Variants in PRKCE observed in about 807,000 individuals in gnomAD.
The protein encoded by PRKCE is protein kinase C epsilon.
PRKCE carries 16 observed loss-of-function variants against 85.4 expected under a neutral mutation model. The observed-to-expected ratio is 0.19, with a 90% CI of 0.13 to 0.28. The LOEUF is 0.28. Ranked by LOEUF, PRKCE falls within the 10% of genes least tolerant of loss-of-function variation. The pLI is 1.00. For synonymous variants in PRKCE, 388 were observed against 371.5 expected, an observed-to-expected ratio of 1.04 and a Z score of -0.51; for missense variants, 573 against 975.2, an observed-to-expected ratio of 0.59 and a Z score of 5.49.
chr2:45,772,131 GCCAGAATTAGCAC>G (rs924793461), intron 1 of PRKCE, among the ~76,000 whole-genome samples: 14 of 96,622 alleles, frequency 1.4e-4, no homozygotes, highest in African/African-American at 3.5e-4. Context: ...TCCGAGTGCA[GCCAGAATTAGCAC>G]CCAGACATGC....
At chr2:45,770,582 G>A (rs1410663589) in intron 1 of PRKCE, among the ~76,000 whole-genome samples, 4 of 152,200 alleles carry the variant, frequency 2.6e-5, no homozygotes, top group Middle Eastern at 3.4e-3. Flanking sequence ...CCATGGTACC[G>A]CCCCCCACAA....
chr2:45,952,722 G>A (rs1315043279), intron 2 of PRKCE, among the ~76,000 whole-genome samples: 1 of 152,136 alleles, frequency 6.6e-6, no homozygotes, highest in African/African-American at 2.4e-5. Flanking sequence ...TTTAAAATTG[G>A]TTTTGATTGA....
chr2:45,971,805 T>A (rs758411549), intron 2 of PRKCE, among the ~76,000 whole-genome samples: 4 of 152,200 alleles, frequency 2.6e-5, no homozygotes, highest in Non-Finnish European at 2.9e-5. Context: ...CCGCCTTGTG[T>A]TTTCTTTTGT....
intron 11 of PRKCE, among the ~76,000 whole-genome samples, chr2:46,135,884 G>C (rs1239033001): frequency 1.3e-5 from 2 of 149,848 alleles, no homozygotes; most frequent in Non-Finnish European, 3.0e-5. Flanking sequence ...AGAATGTCAG[G>C]AAGAGGGTGC....
chr2:45,933,464 C>CTTTTTTTTTT lies in PRKCE; in HGVS notation c.413-42947_413-42938dup, dbSNP rs59991455. Among the ~76,000 whole-genome samples, 15 of 65,364 alleles carry CTTTTTTTTTT rather than the reference C, an allele frequency of 2.3e-4. 2 individuals are homozygous for CTTTTTTTTTT. The highest frequency in any genetic ancestry group is 8.6e-4 in the African/African-American group (14 of 16,238). 42.9% of individuals were successfully genotyped at this position (65,364 alleles called of 152,430 possible). On this transcript the variant is annotated intron_variant, in intron 2 of 14. Coordinates refer to ENST00000306156, the MANE Select transcript of PRKCE (RefSeq NM_005400.3). Reference sequence around the variant, plus strand: ...TTTTACCTTTCACCTCATATGCCTGCTTTTTTTTTTTTTTTTTTTTTTTTT... The same window carrying CTTTTTTTTTT: ...TTTTACCTTTCACCTCATATGCCTGCTTTTTTTTTTTTTTTTTTTTTTTTTTTTTTTTTTT...
chr2:45,892,370 A>AT (rs1695787726), intron 2 of PRKCE, among the ~76,000 whole-genome samples: 4 of 314 alleles, frequency 0.013, no homozygotes, highest in Non-Finnish European at 0.025. Context: ...TGCTGGATGA[A>AT]CGGGGCTCAC....
At chr2:45,972,664 T>C (rs1702184658) in intron 2 of PRKCE, among the ~76,000 whole-genome samples, 1 of 152,244 alleles carries the variant, frequency 6.6e-6, no homozygotes, top group African/African-American at 2.4e-5. Flanking sequence ...AGGATCCAGT[T>C]TCATTCTTTT....
intron 1 of PRKCE, among the ~76,000 whole-genome samples, chr2:45,705,192 G>A (rs1679008537): frequency 6.6e-6 from 1 of 152,188 alleles, no homozygotes. Flanking sequence ...GCATACATGT[G>A]CCCAGTTCTG....
intron 2 of PRKCE, among the ~76,000 whole-genome samples, chr2:45,970,524 T>C (rs1157323532): frequency 6.6e-6 from 1 of 152,022 alleles, no homozygotes; most frequent in Non-Finnish European, 1.5e-5. Context: ...AAATGTATCA[T>C]TAAAAAAGAT....
chr2:45,795,380 C>T (rs890221697), intron 1 of PRKCE, among the ~76,000 whole-genome samples: 3 of 152,148 alleles, frequency 2.0e-5, no homozygotes, highest in African/African-American at 7.2e-5. Flanking sequence ...GTGATCTCAG[C>T]TCACTGCAAC....
rs531291394 is a variant in PRKCE at position 46,139,062 on chromosome 2, G to A, written c.1593-6031G>A. Reference sequence around the variant, plus strand: ...ATCTATCCAGGTGTCAGGCAACAAGGGCTATCGCAAAGGCATTCAGGCTGA... The same window carrying A: ...ATCTATCCAGGTGTCAGGCAACAAGAGCTATCGCAAAGGCATTCAGGCTGA... On this transcript the variant is annotated intron_variant, in intron 11 of 14. Transcript: ENST00000306156. The surrounding 1 kb of genome is among the most constrained non-coding windows in gnomAD (Gnocchi z 5.2). Among the ~76,000 whole-genome samples the A allele has an allele frequency of 1.3e-5, 2 of 152,116 alleles. No homozygotes were observed. The highest frequency in any genetic ancestry group is 2.4e-5 in the African/African-American group (1 of 41,416).
intron 9 of PRKCE, 51 bp from the exon 10 acceptor site, chr2:46,010,293 C>G (rs574297070): frequency 4.7e-6 from 7 of 1,503,120 alleles, no homozygotes; most frequent in Non-Finnish European, 5.3e-6. Flanking sequence ...TACACTTCTT[C>G]TTTTTATTCC....
At chr2:45,662,312 G>A (rs893405433) in intron 1 of PRKCE, among the ~76,000 whole-genome samples, 3 of 152,136 alleles carry the variant, frequency 2.0e-5, no homozygotes, top group African/African-American at 7.2e-5. Flanking sequence ...TAGGAGACAC[G>A]ACATTAATCA....
intron 1 of PRKCE, among the ~76,000 whole-genome samples, chr2:45,812,118 A>G (rs1306926970): frequency 1.3e-5 from 2 of 152,164 alleles, no homozygotes; most frequent in East Asian, 1.9e-4. Context: ...TGGGTGAGTC[A>G]CCCCACCTCT....
At position 45,907,091 on chromosome 2, in the gene PRKCE, C is replaced by A. The variant is rs796937042; in HGVS notation, c.412+64028C>A. On this transcript the variant is annotated intron_variant, in intron 2 of 14. Transcript: ENST00000306156. The surrounding 1 kb of genome is among the most constrained non-coding windows in gnomAD (Gnocchi z 4.5). ...CTAAGTGGTATAGACGGAAGGAAGG[C>A]GGTCAGAGGGTACACGCTCCATGTT... is the stretch of plus-strand genomic sequence containing the variant. Among the ~76,000 whole-genome samples, 2 of 152,152 alleles carry A rather than the reference C, an allele frequency of 1.3e-5. No homozygotes were observed. Among genetic ancestry groups the A allele is most frequent in the African/African-American group, 4.8e-5 (2 of 41,500 alleles).
intron 1 of PRKCE, chr2:45,701,515 A>G (rs1464677502): frequency 1.3e-5 from 2 of 152,218 alleles, no homozygotes; most frequent in East Asian, 1.9e-4. Context: ...ACCTGAAGAC[A>G]TACTAACAGG....
chr2:46,173,984 G>A (rs760116658), intron 14 of PRKCE, among the ~76,000 whole-genome samples: 4 of 152,186 alleles, frequency 2.6e-5, no homozygotes, highest in Admixed American at 6.5e-5. Context: ...GTTGAATTCC[G>A]TCAAACAGCA....
intron 11 of PRKCE, among the ~76,000 whole-genome samples, chr2:46,092,807 G>T (rs554242643): frequency 6.6e-6 from 1 of 152,342 alleles, no homozygotes; most frequent in African/African-American, 2.4e-5. Context: ...AGAGGGGAAA[G>T]TGTGTGCCTT....
chr2:45,775,054 C>T (rs1039498718), intron 1 of PRKCE, among the ~76,000 whole-genome samples: 10 of 152,136 alleles, frequency 6.6e-5, no homozygotes, highest in Non-Finnish European at 1.5e-4. Flanking sequence ...GAATTGGTTC[C>T]CAAGGGGGGC....
Sources: allele counts gnomAD v4.1 joint callset (sites outside exome capture counted in the v4.1 genomes callset), GRCh38; gene constraint gnomAD v4.1.1; non-coding constraint Gnocchi (gnomAD v3.1); transcripts MANE v1.5; gene names NCBI Gene and HGNC (gene_info 2026-07-23, HGNC 2026-07-21).